The following CNDP1 variants were observed in gnomAD, a reference collection of about 807,000 sequenced individuals.
CNDP1 encodes carnosine dipeptidase 1, also known as beta-Ala-His dipeptidase.
In CNDP1, 44 loss-of-function variants were observed where a neutral mutation model predicts 58.1. The observed-to-expected ratio is 0.76, with a 90% CI of 0.60 to 0.97. The LOEUF is 0.97. Among genes scored for constraint, CNDP1 ranks in the 50% least tolerant of loss-of-function variants. The pLI, the probability that CNDP1 is intolerant of heterozygous loss-of-function variation, is 0.00. For synonymous variants in CNDP1, 254 were observed against 252.6 expected, an observed-to-expected ratio of 1.01 and a Z score of -0.05; for missense variants, 616 against 655.1, an observed-to-expected ratio of 0.94 and a Z score of 0.65.
At chr18:74,577,351 T>G (rs1981660644) in intron 8 of CNDP1, 1 of 186,976 alleles carries the variant, frequency 5.3e-6, no homozygotes, top group Admixed American at 6.2e-5. Flanking sequence ...CTTCTTACCT[T>G]TTCAAAGACC....
In CNDP1 at chr18:74,585,994, C is replaced by CAAAA. The variant is rs35859995; in HGVS notation, c.*1454_*1457dup. ...GGGCGACAGAGTGAGACTCCGTCTC[C>CAAAA]AAAAAAAAAAAAAAAAAAAAAAAAA... On this transcript the variant is annotated 3_prime_UTR_variant, in exon 12 of 12. Coordinates refer to ENST00000358821, the MANE Select transcript of CNDP1 (RefSeq NM_032649.6). 16 of 68,220 alleles carry CAAAA rather than the reference C, an allele frequency of 2.3e-4. No individual in the cohort carries two copies. The highest frequency in any genetic ancestry group is 7.3e-4 in the African/African-American group (12 of 16,372). The allele number at this position is 68,220 out of a possible 1,614,324, so 4.2% of individuals were successfully genotyped here.
chr18:74,536,847 G>C (rs1447975486), intron 1 of CNDP1, among the ~76,000 whole-genome samples: 1 of 152,114 alleles, frequency 6.6e-6, no homozygotes, highest in Non-Finnish European at 1.5e-5. Flanking sequence ...ATGTGAGATG[G>C]TATCTCATTG....
intron 2 of CNDP1, among the ~76,000 whole-genome samples, chr18:74,556,936 G>T (rs1473838063): frequency 1.3e-5 from 2 of 152,206 alleles, no homozygotes; most frequent in African/African-American, 2.4e-5. Context: ...TTTGTTTTGA[G>T]ACAGAGTCTC....
intron 11 of CNDP1, 68 bp from the exon 12 acceptor site, chr18:74,584,428 G>A (rs1981862076): frequency 9.4e-7 from 1 of 1,066,500 alleles, no homozygotes; most frequent in African/African-American, 1.6e-5. Flanking sequence ...CTAAATGACA[G>A]AATATTTTTC....
In CNDP1 at chr18:74,571,227, T is replaced by C. The variant is rs567849908; in HGVS notation, c.798T>C (p.Gly266=). The change falls in exon 7 of 12, where the codon GGT becomes GGC. Residue 266 remains glycine, a synonymous_variant. Coordinates refer to ENST00000358821, the MANE Select transcript of CNDP1 (RefSeq NM_032649.6). The stretch of plus-strand genomic sequence containing the variant: ...AGGATTTTCACTCAGGAACCTTTGG[T>C]GGCATCCTTCATGAACCAATGGCTG... ...RDQDFHSGTF[G]GILHEPMADL... The C allele has an allele frequency of 3.4e-5, 55 of 1,613,758 alleles. 1 individual carries two copies. The South Asian group carries it at 3.7e-4, about 11-fold the overall frequency.
At position 74,583,615 on chromosome 18, in the gene CNDP1, A is replaced by G. The variant is rs776175815; in HGVS notation, c.1364A>G (p.Lys455Arg). 3.1e-6 allele frequency: 5 copies of G among 1,614,042 alleles called. No individual in the cohort carries two copies. The South Asian group carries it at 4.4e-5, about 14-fold the overall frequency. The change falls in exon 11 of 12, where the codon AAA becomes AGA. Residue 455 changes from lysine to arginine, a missense_variant. By Grantham distance (26) the Lys-to-Arg change is conservative. Coordinates refer to ENST00000358821, the MANE Select transcript of CNDP1 (RefSeq NM_032649.6). ...IRDGSTIPIA[K>R]MFQEIVHKSV... ...GATGGATCCACCATTCCAATTGCCAAAATGTTCCAGGAGATCGTCCACAAG... is the reference window on the plus strand; with the variant it reads ...GATGGATCCACCATTCCAATTGCCAGAATGTTCCAGGAGATCGTCCACAAG...
intron 1 of CNDP1, among the ~76,000 whole-genome samples, chr18:74,551,361 AACACAC>A (rs74178982): frequency 0.029 from 4,296 of 148,066 alleles, 101 homozygotes; most frequent in Middle Eastern, 0.068. Context: ...GCACAACTGT[AACACAC>A]ACACACACAC....
chr18:74,552,948 G>GTGTC (rs1980947061), intron 1 of CNDP1, among the ~76,000 whole-genome samples: 1 of 152,224 alleles, frequency 6.6e-6, no homozygotes, highest in African/African-American at 2.4e-5. Context: ...AAACTCATTA[G>GTGTC]TGTCTGGCTT....
chr18:74,580,968 C>T (rs1167260093), intron 10 of CNDP1, among the ~76,000 whole-genome samples: 2 of 151,958 alleles, frequency 1.3e-5, no homozygotes, highest in African/African-American at 4.8e-5. Context: ...GACCCTGTCT[C>T]AAAAAATGAA....
At chr18:74,556,238 G>A in intron 1 of CNDP1, 100 bp from the exon 2 acceptor site, 1 of 1,310,258 alleles carries the variant, frequency 7.6e-7, no homozygotes, top group Non-Finnish European at 1.1e-6. Context: ...ACTGGAGGCA[G>A]CTGTGTGAGG....
At chr18:74,551,815 T>C (rs926807291) in intron 1 of CNDP1, among the ~76,000 whole-genome samples, 1 of 151,866 alleles carries the variant, frequency 6.6e-6, no homozygotes, top group African/African-American at 2.4e-5. Context: ...TTTTTCACTG[T>C]AGAGGAACAC....
At chr18:74,537,154 C>G (rs1370084772) in intron 1 of CNDP1, among the ~76,000 whole-genome samples, 1 of 152,118 alleles carries the variant, frequency 6.6e-6, no homozygotes, top group Non-Finnish European at 1.5e-5. Flanking sequence ...TTCTATTTGT[C>G]AATTTTTGCT....
intron 6 of CNDP1, among the ~76,000 whole-genome samples, chr18:74,570,748 C>T (rs1446238657): frequency 1.3e-5 from 2 of 152,120 alleles, no homozygotes; most frequent in African/African-American, 4.8e-5. Context: ...GATGTTATTA[C>T]AGGAGGTATC....
chr18:74,560,010 CTTT>C (rs398033526), intron 3 of CNDP1, among the ~76,000 whole-genome samples: 9 of 121,320 alleles, frequency 7.4e-5, no homozygotes, highest in Non-Finnish European at 1.5e-4. Context: ...CATCTGCATT[CTTT>C]TTTTTTTTTT....
intron 1 of CNDP1, among the ~76,000 whole-genome samples, chr18:74,555,972 T>A (rs1210645906): frequency 2.6e-5 from 4 of 151,908 alleles, no homozygotes; most frequent in African/African-American, 9.7e-5. Context: ...GTGTTTGTTT[T>A]TGGTTCTACC....
Position 74,578,567 on chromosome 18 carries a change from C to T in CNDP1, c.1167+240C>T, listed in dbSNP as rs1012556020. Among the ~76,000 whole-genome samples, 5 of 152,192 alleles carry T rather than the reference C, an allele frequency of 3.3e-5. No homozygotes were observed. In the East Asian group the frequency reaches 9.7e-4, roughly 29 times the overall value. ...CCTTAAGCCCAGGGGTTTAAGGCTG[C>T]AGTGAGCTATGATAGCACCACTGCA... is the stretch of plus-strand genomic sequence containing the variant. On this transcript the variant is annotated intron_variant, in intron 9 of 11. Coordinates refer to ENST00000358821, the MANE Select transcript of CNDP1 (RefSeq NM_032649.6).
At chr18:74,571,957 T>A (rs1304796904) in intron 7 of CNDP1, among the ~76,000 whole-genome samples, 2 of 152,140 alleles carry the variant, frequency 1.3e-5, no homozygotes, top group Admixed American at 6.6e-5. Flanking sequence ...TCTGTTCACC[T>A]AGTATTGCTT....
intron 1 of CNDP1, among the ~76,000 whole-genome samples, chr18:74,542,991 G>A (rs1260806970): frequency 6.6e-6 from 1 of 152,262 alleles, no homozygotes; most frequent in East Asian, 1.9e-4. Flanking sequence ...AAGTTCTGAA[G>A]TATGTAAGAA....
At chr18:74,549,681 G>A (rs1980850597) in intron 1 of CNDP1, among the ~76,000 whole-genome samples, 2 of 152,210 alleles carry the variant, frequency 1.3e-5, no homozygotes, top group Admixed American at 1.3e-4. Flanking sequence ...AGGTAGCCAA[G>A]TGTTAAAAGC....
Sources: gnomAD v4.1 joint callset for allele counts (sites outside exome capture counted in the v4.1 genomes callset) on GRCh38, gnomAD v4.1.1 for gene constraint, MANE v1.5 for transcripts, NCBI Gene and HGNC (gene_info 2026-07-23, HGNC 2026-07-21) for gene names.